Variants in SEMA5A observed in about 807,000 individuals in gnomAD.
SEMA5A encodes semaphorin-5A.
In SEMA5A, 55 loss-of-function variants were observed where a neutral mutation model predicts 135.5. That is an observed-to-expected ratio of 0.41 (90% CI 0.33 to 0.51). The LOEUF (loss-of-function observed/expected upper bound fraction) is 0.51. Ranked by LOEUF, SEMA5A falls within the 20% of genes least tolerant of loss-of-function variation. SEMA5A has a pLI of 0.37. For synonymous variants in SEMA5A, 580 were observed against 546.5 expected (o/e 1.06, Z -0.85); for missense variants, 1,290 against 1,419.9 (o/e 0.91, Z 1.47).
At chr5:9,153,625 C>T (rs940648450) in intron 12 of SEMA5A, among the ~76,000 whole-genome samples, 1 of 151,848 alleles carries the variant, frequency 6.6e-6, no homozygotes, top group African/African-American at 2.4e-5. Flanking sequence ...GGGGGTGTCC[C>T]GGAAAGTGGG....
intron 2 of SEMA5A, among the ~76,000 whole-genome samples, chr5:9,408,778 C>A (rs1050179352): frequency 1.3e-5 from 2 of 152,136 alleles, no homozygotes; most frequent in Non-Finnish European, 2.9e-5. Flanking sequence ...ATCTCTGAAC[C>A]ACTCCAATGT....
chr5:9,250,511 G>T (rs949446837), intron 5 of SEMA5A, among the ~76,000 whole-genome samples: 3 of 152,058 alleles, frequency 2.0e-5, no homozygotes, highest in Non-Finnish European at 4.4e-5. Flanking sequence ...CAAGAAAAAA[G>T]ACCGAATTCA....
intron 4 of SEMA5A, among the ~76,000 whole-genome samples, chr5:9,335,317 A>G (rs1266659948): frequency 6.6e-6 from 1 of 152,160 alleles, no homozygotes; most frequent in Non-Finnish European, 1.5e-5. Context: ...TGGGACAGGT[A>G]CCCCTTGAAA....
intron 5 of SEMA5A, chr5:9,265,525 G>T: frequency 2.2e-6 from 1 of 456,336 alleles, no homozygotes; most frequent in South Asian, 1.5e-5. Context: ...TGGTGTGTGC[G>T]GTCCTCCTGC....
intron 3 of SEMA5A, among the ~76,000 whole-genome samples, chr5:9,345,635 A>AC (rs1270768251): frequency 6.6e-6 from 1 of 152,048 alleles, no homozygotes; most frequent in Non-Finnish European, 1.5e-5. Context: ...ATCTATAGTT[A>AC]TCAATATATC....
At chr5:9,168,163 C>G (rs759924062) in intron 11 of SEMA5A, among the ~76,000 whole-genome samples, 8 of 151,890 alleles carry the variant, frequency 5.3e-5, no homozygotes, top group African/African-American at 9.7e-5. Context: ...GGAGGAGAGC[C>G]GTAAGTACAG....
At chr5:9,110,845 G>T (rs965027032) in intron 15 of SEMA5A, among the ~76,000 whole-genome samples, 2 of 152,064 alleles carry the variant, frequency 1.3e-5, no homozygotes, top group Non-Finnish European at 2.9e-5. Flanking sequence ...GTCTCCCAGG[G>T]TCCTATTCTC....
chr5:9,343,457 A>G (rs1292461872), intron 3 of SEMA5A, among the ~76,000 whole-genome samples: 1 of 152,164 alleles, frequency 6.6e-6, no homozygotes, highest in African/African-American at 2.4e-5. Flanking sequence ...TTCTGTGAGC[A>G]GCACAGGAAA....
Position 9,184,470 on chromosome 5 carries a change from T to C in SEMA5A, c.1273+5797A>G, listed in dbSNP as rs149575808. 5.1e-3 allele frequency among the ~76,000 whole-genome samples: 771 copies of C among 152,312 alleles called. 7 individuals carry two copies. The highest frequency in any genetic ancestry group is 0.018 in the African/African-American group (735 of 41,568). The stretch of plus-strand genomic sequence containing the variant: ...TAGCTCCACAGACAGGGTTCTTTGG[T>C]TCAAAGACACCAATCACTCTGTGTG... On this transcript the variant is annotated intron_variant, in intron 11 of 22. Coordinates refer to ENST00000382496, the MANE Select transcript of SEMA5A (RefSeq NM_003966.3).
intron 5 of SEMA5A, among the ~76,000 whole-genome samples, chr5:9,312,820 T>C (rs3777322): frequency 0.01 from 1,575 of 152,298 alleles, 28 homozygotes; most frequent in East Asian, 0.063. Flanking sequence ...ACCAGATTTA[T>C]CAGGCAACCT....
chr5:9,097,294 T>C (rs1014147668), intron 16 of SEMA5A, among the ~76,000 whole-genome samples: 5 of 152,122 alleles, frequency 3.3e-5, no homozygotes, highest in African/African-American at 1.2e-4. Context: ...ATTAAATAAA[T>C]GGTGGAATAA....
intron 1 of SEMA5A, among the ~76,000 whole-genome samples, chr5:9,476,658 C>T (rs1273373703): frequency 6.6e-6 from 1 of 152,202 alleles, no homozygotes; most frequent in Non-Finnish European, 1.5e-5. Flanking sequence ...ACCCACACTT[C>T]TGCACACTAT....
chr5:9,227,700 G>A (rs1379420036), intron 6 of SEMA5A, among the ~76,000 whole-genome samples: 10 of 152,052 alleles, frequency 6.6e-5, no homozygotes, highest in East Asian at 1.9e-4. Flanking sequence ...ACAGGTGCCC[G>A]CCACCACGCC....
intron 16 of SEMA5A, among the ~76,000 whole-genome samples, chr5:9,071,730 C>T (rs776390405): frequency 2.2e-4 from 34 of 152,208 alleles, no homozygotes; most frequent in Non-Finnish European, 4.4e-4. Context: ...CCAAAAATTA[C>T]CCTTCAAGTC....
At chr5:9,524,856 C>T (rs924942981) in intron 1 of SEMA5A, among the ~76,000 whole-genome samples, 1 of 152,128 alleles carries the variant, frequency 6.6e-6, no homozygotes, top group South Asian at 2.1e-4. Flanking sequence ...GAGTGAGGGT[C>T]CTGCCTCACA....
At chr5:9,109,434 G>A (rs1461716740) in intron 15 of SEMA5A, among the ~76,000 whole-genome samples, 1 of 152,198 alleles carries the variant, frequency 6.6e-6, no homozygotes, top group Non-Finnish European at 1.5e-5. Context: ...CATTCTACAG[G>A]TTACAGCTCA....
At chr5:9,170,502 G>C (rs1253824301) in intron 11 of SEMA5A, among the ~76,000 whole-genome samples, 3 of 152,076 alleles carry the variant, frequency 2.0e-5, no homozygotes, top group Non-Finnish European at 4.4e-5. Context: ...AGATTTAGAG[G>C]TTGAAATCCT....
rs146523975 is a variant in SEMA5A at position 9,334,911 on chromosome 5, G to A, written c.224+2802C>T. Among the ~76,000 whole-genome samples, 364 of 152,266 alleles carry A rather than the reference G, an allele frequency of 2.4e-3. 8 individuals are homozygous for A. The East Asian group carries it at 0.051, about 21-fold the overall frequency. Reference sequence around the variant, plus strand: ...TCATGTCCACCATGCCATACAGCATGCTAGGTTGACTCAGCGGCCCATCCG... The same window carrying A: ...TCATGTCCACCATGCCATACAGCATACTAGGTTGACTCAGCGGCCCATCCG... On this transcript the variant is annotated intron_variant, in intron 4 of 22. Coordinates refer to ENST00000382496, the MANE Select transcript of SEMA5A (RefSeq NM_003966.3).
intron 16 of SEMA5A, among the ~76,000 whole-genome samples, chr5:9,098,025 C>T (rs992902146): frequency 6.6e-6 from 1 of 152,022 alleles, no homozygotes; most frequent in Non-Finnish European, 1.5e-5. Flanking sequence ...AGGTGGGTCA[C>T]TTGAGGTCGG....
Sources: gnomAD v4.1 joint callset for allele counts (sites outside exome capture counted in the v4.1 genomes callset) on GRCh38, gnomAD v4.1.1 for gene constraint, MANE v1.5 for transcripts, NCBI Gene and HGNC (gene_info 2026-07-23, HGNC 2026-07-21) for gene names.